Variants in PLCD4 observed in about 807,000 individuals in gnomAD.
PLCD4 encodes the protein 1-phosphatidylinositol 4,5-bisphosphate phosphodiesterase delta-4.
PLCD4 carries 63 observed loss-of-function variants against 90.2 expected under a neutral mutation model. The observed-to-expected ratio is 0.70, with a 90% CI of 0.57 to 0.86. The LOEUF is 0.86. Among genes scored for constraint, PLCD4 ranks in the 40% least tolerant of loss-of-function variants. PLCD4 has a pLI of 0.00. For missense variants in PLCD4, 830 were observed against 956.3 expected (o/e 0.87, Z 1.74); for synonymous variants, 294 against 356.5 (o/e 0.82, Z 1.97).
At chr2:218,618,089 A>C (rs1275563671) in intron 3 of PLCD4, among the ~76,000 whole-genome samples, 6 of 151,124 alleles carry the variant, frequency 4.0e-5, no homozygotes, top group South Asian at 2.1e-4. Flanking sequence ...TCCATGTCAA[A>C]AAACAAACAA....
chr2:218,611,465 T>C (rs1695329526), intron 1 of PLCD4, among the ~76,000 whole-genome samples: 2 of 152,062 alleles, frequency 1.3e-5, no homozygotes, highest in South Asian at 4.1e-4. Context: ...GTCCTAAAGT[T>C]CACCACATCC....
At chr2:218,626,788 G>A (rs866423414) in intron 6 of PLCD4, among the ~76,000 whole-genome samples, 25 of 152,110 alleles carry the variant, frequency 1.6e-4, no homozygotes, top group African/African-American at 6.0e-4. Flanking sequence ...GAAACCCTCA[G>A]GCCATAGTTA....
At chr2:218,613,820 A>G (rs972789029) in intron 1 of PLCD4, among the ~76,000 whole-genome samples, 3 of 151,838 alleles carry the variant, frequency 2.0e-5, no homozygotes, top group African/African-American at 4.8e-5. Flanking sequence ...TCCCTCTTCA[A>G]CCTCTCAAAG....
chr2:218,633,511 G>A (rs1244948322), intron 10 of PLCD4, 94 bp from the exon 11 acceptor site: 1 of 1,398,880 alleles, frequency 7.1e-7, no homozygotes, highest in Non-Finnish European at 1.0e-6. Context: ...ACAGTGGGGA[G>A]GCAGTGGGCA....
At chr2:218,613,779 C>A (rs1695453994) in intron 1 of PLCD4, among the ~76,000 whole-genome samples, 1 of 152,112 alleles carries the variant, frequency 6.6e-6, no homozygotes, top group Non-Finnish European at 1.5e-5. Flanking sequence ...GTTGCTCACA[C>A]TGGTCTCGAA....
Position 218,633,757 on chromosome 2 carries a change from G to T in PLCD4, c.1602G>T (p.Glu534Asp). The change falls in exon 11 of 16, where the codon GAG (glutamate) becomes GAT (aspartate). Residue 534 changes from glutamate (E) to aspartate (D), a missense_variant. Physicochemically the swap from Glu to Asp is conservative, Grantham distance 45. Transcript: ENST00000450993. ...CCAAGGCCAAGCGCCTCATCAAGGA[G>T]GCTGGTCAGGACCAAAATGGAGGGA... ...SETKAKRLIKEAGNEFVQHNT... is the reference protein window; with the variant it reads ...SETKAKRLIKDAGNEFVQHNT... The T allele has an allele frequency of 6.2e-7, 1 of 1,613,886 alleles. No homozygotes were observed. The highest frequency in any genetic ancestry group is 1.3e-5 in the African/African-American group (1 of 75,046).
chr2:218,629,202 T>G, intron 7 of PLCD4: 1 of 234,048 alleles, frequency 4.3e-6, no homozygotes, highest in Admixed American at 4.6e-5. Context: ...GGTGACAGAT[T>G]TAGACCCTGT....
intron 10 of PLCD4, among the ~76,000 whole-genome samples, chr2:218,632,554 T>TA (rs1449800871): frequency 6.6e-6 from 1 of 152,150 alleles, no homozygotes; most frequent in Non-Finnish European, 1.5e-5. Context: ...AATGAAATCT[T>TA]ACGCAAAATA....
At chr2:218,610,586 A>C (rs562501510) in intron 1 of PLCD4, among the ~76,000 whole-genome samples, 1 of 152,198 alleles carries the variant, frequency 6.6e-6, no homozygotes, top group Non-Finnish European at 1.5e-5. Flanking sequence ...AGGGAACAGA[A>C]AGTGATGGAG....
chr2:218,631,887 C>T (rs193132466), intron 9 of PLCD4, among the ~76,000 whole-genome samples: 4 of 152,004 alleles, frequency 2.6e-5, no homozygotes, highest in East Asian at 1.9e-4. Context: ...TAATCTATAA[C>T]GAGTATTTAC....
Position 218,629,559 on chromosome 2 carries a change from T to C in PLCD4, c.1015T>C (p.Trp339Arg), listed in dbSNP as rs201349346. The change falls in exon 8 of 16, where the codon TGG becomes CGG. Residue 339 changes from tryptophan to arginine, a missense_variant. Physicochemically the swap from Trp to Arg is moderately radical, Grantham distance 101. Coordinates refer to ENST00000450993, the MANE Select transcript of PLCD4 (RefSeq NM_032726.4). ...GTGCCGCTGCGTGGAGGTGGATGTA[T>C]GGGATGGACCTAGCGGGGAACCTGT... ...RGCRCVEVDV[W>R]DGPSGEPVVY... 5 of 1,613,660 alleles carry C rather than the reference T, an allele frequency of 3.1e-6. No homozygotes were observed. In the Admixed American group the frequency reaches 6.7e-5, roughly 22 times the overall value.
At position 218,628,010 on chromosome 2, in the gene PLCD4, T is replaced by C; in HGVS notation, c.773-19T>C. ...CCATTCAGAGCTTCTCACCTAGTGT[T>C]CCCCTGTCCACACTCCAGGCAAACT... On this transcript the variant is annotated intron_variant, in intron 6 of 15. Transcript: ENST00000450993. The C allele has an allele frequency of 1.2e-6, 2 of 1,601,426 alleles. No homozygotes were observed. Among genetic ancestry groups the C allele is most frequent in the Non-Finnish European group, 1.7e-6 (2 of 1,171,592 alleles).
At chr2:218,613,990 A>G (rs1359070983) in intron 1 of PLCD4, among the ~76,000 whole-genome samples, 2 of 151,268 alleles carry the variant, frequency 1.3e-5, no homozygotes, top group African/African-American at 2.4e-5. Context: ...CCTATATTTC[A>G]CAGCATATAT....
At chr2:218,616,481 G>T (rs915310840) in intron 3 of PLCD4, among the ~76,000 whole-genome samples, 2 of 152,076 alleles carry the variant, frequency 1.3e-5, no homozygotes, top group African/African-American at 4.8e-5. Flanking sequence ...GGAGGTTGAG[G>T]CAGGAGAATT....
chr2:218,621,931 T>G (rs951275572), intron 5 of PLCD4, among the ~76,000 whole-genome samples: 2 of 151,780 alleles, frequency 1.3e-5, no homozygotes, highest in South Asian at 4.2e-4. Flanking sequence ...CTACAAAAAA[T>G]TAGCCGGGTG....
rs1223945403 is a variant in PLCD4 at position 218,632,278 on chromosome 2, A to AGGG, written c.1417_1418insGGG (p.Gln472_Glu473insGly). On this transcript the variant is annotated inframe_insertion, in exon 10 of 16. Coordinates refer to ENST00000450993, the MANE Select transcript of PLCD4 (RefSeq NM_032726.4). ...CAGTTTGAGACTGAGCCTGAGCCCC[A>AGGG]GGAGCAGAACCTTCAGAATAAGGAC... 2 of 1,611,274 alleles carry AGGG rather than the reference A, an allele frequency of 1.2e-6. No homozygotes were observed. Among genetic ancestry groups the AGGG allele is most frequent in the Non-Finnish European group, 8.5e-7 (1 of 1,178,810 alleles).
At chr2:218,623,714 C>G (rs1362970383) in intron 6 of PLCD4, among the ~76,000 whole-genome samples, 1 of 152,086 alleles carries the variant, frequency 6.6e-6, no homozygotes, top group African/African-American at 2.4e-5. Flanking sequence ...CAGAGTTTTG[C>G]TCTTATTGCC....
intron 10 of PLCD4, chr2:218,633,169 T>C (rs1033452823): frequency 9.0e-5 from 50 of 557,798 alleles, no homozygotes; most frequent in Non-Finnish European, 1.5e-4. Flanking sequence ...TTTGCATACC[T>C]TGACATATCT....
rs1381226290 is a variant in PLCD4 at position 218,634,901 on chromosome 2, C to T, written c.1896+271C>T. On this transcript the variant is annotated intron_variant, in intron 13 of 15. Transcript: ENST00000450993. This position sits in a 1 kb window ranked among gnomAD's most constrained non-coding sequence, Gnocchi z 4.0. ...CCTCACAGGGTTATAAGGAGTATAA[C>T]AGTTAATATAAAGTTCTTACAATTC... 6.6e-6 allele frequency among the ~76,000 whole-genome samples: 1 copy of T among 152,078 alleles called. No homozygotes were observed. The highest frequency in any genetic ancestry group is 2.4e-5 in the African/African-American group (1 of 41,416).
Sources: allele counts gnomAD v4.1 joint callset (sites outside exome capture counted in the v4.1 genomes callset), GRCh38; gene constraint gnomAD v4.1.1; non-coding constraint Gnocchi (gnomAD v3.1); transcripts MANE v1.5; gene names NCBI Gene and HGNC (gene_info 2026-07-23, HGNC 2026-07-21).